Variants in SPATA4 observed in about 807,000 individuals in gnomAD.
The protein encoded by SPATA4 is spermatogenesis-associated protein 4.
Under a neutral mutation model 31.8 loss-of-function variants are expected in SPATA4, and 35 were observed. The ratio of observed to expected loss-of-function variants is 1.10; its 90% CI spans 0.84 to 1.46. SPATA4 has a LOEUF of 1.46. SPATA4 is among the 40% of genes most tolerant of loss of function. The pLI is 0.00. For synonymous variants in SPATA4, 126 were observed against 132.4 expected (o/e 0.95, Z 0.33); for missense variants, 394 against 363.1 (o/e 1.09, Z -0.69).
Position 176,184,888 on chromosome 4 carries a change from A to G in SPATA4, c.810T>C (p.Asn270=). 6.4e-7 allele frequency: 1 copy of G among 1,572,566 alleles called. No homozygotes were observed. Among genetic ancestry groups the G allele is most frequent in the Non-Finnish European group, 8.6e-7 (1 of 1,158,448 alleles). The change falls in exon 6 of 6, where the codon AAT becomes AAC. Residue 270 remains asparagine, a synonymous_variant. Coordinates refer to ENST00000280191, the MANE Select transcript of SPATA4 (RefSeq NM_144644.4). ...TATGTGAACTGCCACCACTACCTAT[A>G]TTTGCTGGGACATTTAAATAAGCAA... ...KRGRVVPVLP[N]IGSGGSSHRE...
intron 5 of SPATA4, 46 bp from the exon 6 acceptor site, chr4:176,184,938 A>G (rs1463201441): frequency 8.6e-7 from 1 of 1,160,962 alleles, no homozygotes; most frequent in Admixed American, 1.9e-5. Flanking sequence ...CATGGTTACT[A>G]AATATTCATA....
intron 4 of SPATA4, among the ~76,000 whole-genome samples, chr4:176,189,838 C>T (rs1367188797): frequency 6.6e-6 from 1 of 152,150 alleles, no homozygotes; most frequent in Non-Finnish European, 1.5e-5. Context: ...GACAAAACCC[C>T]TCAGACACCA....
chr4:176,193,816 T>G (rs113701769), intron 1 of SPATA4: 114 of 328,098 alleles, frequency 3.5e-4, no homozygotes, highest in African/African-American at 2.1e-3. Flanking sequence ...TGAATCCGCA[T>G]TTCAAGAAGA....
chr4:176,192,957 C>T lies in SPATA4; in HGVS notation c.467+1G>A. 6.3e-7 allele frequency: 1 copy of T among 1,594,632 alleles called. No homozygotes were observed. The highest frequency in any genetic ancestry group is 8.5e-7 in the Non-Finnish European group (1 of 1,170,832). On this transcript the variant is annotated splice_donor_variant, in intron 3 of 5. Coordinates refer to ENST00000280191, the MANE Select transcript of SPATA4 (RefSeq NM_144644.4). LOFTEE classifies it high-confidence loss of function. ...TTACTAGGAAATTACAAAGAACTTA[C>T]TCTCGATGTGTTAATAAAGTGTAAA...
chr4:176,187,472 C>T (rs2126921648), intron 5 of SPATA4, among the ~76,000 whole-genome samples: 1 of 152,072 alleles, frequency 6.6e-6, no homozygotes, highest in African/African-American at 2.4e-5. Flanking sequence ...AGGCGTGGCA[C>T]CGTGCGTTGT....
chr4:176,184,776 C>G lies in SPATA4; in HGVS notation c.*4G>C. The G allele has an allele frequency of 6.4e-7, 1 of 1,571,404 alleles. No homozygotes were observed. The highest frequency in any genetic ancestry group is 8.6e-7 in the Non-Finnish European group (1 of 1,156,382). ...CTTCTTCAAAGCCATTTGACAGGTG[C>G]TTTTCAAGGTTTCTTGTCCATGTTT... On this transcript the variant is annotated 3_prime_UTR_variant, in exon 6 of 6. Coordinates refer to ENST00000280191, the MANE Select transcript of SPATA4 (RefSeq NM_144644.4).
At chr4:176,186,845 A>T (rs907782062) in intron 5 of SPATA4, among the ~76,000 whole-genome samples, 9 of 151,272 alleles carry the variant, frequency 5.9e-5, no homozygotes, top group African/African-American at 1.2e-4. Context: ...TTGTTTTTTT[A>T]AAAAAAGGAA....
intron 4 of SPATA4, among the ~76,000 whole-genome samples, chr4:176,191,219 C>T (rs1752522873): frequency 6.6e-6 from 1 of 151,844 alleles, no homozygotes; most frequent in African/African-American, 2.4e-5. Context: ...CTTCAGCCTC[C>T]CCAGTAGCTG....
chr4:176,189,239 G>A (rs367961072), intron 4 of SPATA4, among the ~76,000 whole-genome samples: 1 of 152,178 alleles, frequency 6.6e-6, no homozygotes, highest in Non-Finnish European at 1.5e-5. Flanking sequence ...GTGGCAGCGA[G>A]GGATCAGTGT....
chr4:176,195,572 T>G lies in SPATA4; in HGVS notation c.-10A>C. 1 of 1,613,582 alleles carries G rather than the reference T, an allele frequency of 6.2e-7. No homozygotes were observed. Among genetic ancestry groups the G allele is most frequent in the South Asian group, 1.1e-5 (1 of 91,074 alleles). On this transcript the variant is annotated 5_prime_UTR_variant, in exon 1 of 6. Coordinates refer to ENST00000280191, the MANE Select transcript of SPATA4 (RefSeq NM_144644.4). ...GGCCGGCGGCAGCCATGACGCTTTC[T>G]GGGTTGCTGCGGCAACAGCAGAAGG...
At position 176,193,482 on chromosome 4, in the gene SPATA4, T is replaced by C; in HGVS notation, c.319A>G (p.Lys107Glu). 6.2e-7 allele frequency: 1 copy of C among 1,613,910 alleles called. No individual in the cohort carries two copies. Among genetic ancestry groups the C allele is most frequent in the East Asian group, 2.2e-5 (1 of 44,856 alleles). ...SFENGTSLKV[K>E]LDNWAQLEKF... ...TCCAACTGTGCCCAGTTATCCAACT[T>C]GACTTTTAAAGAGGTCCCGTTTTCA... Residue 107 changes from lysine (K) to glutamate (E), a missense_variant, in exon 2 of 6, where the codon AAG becomes GAG. By Grantham distance (56) the Lys-to-Glu change is moderately conservative (BLOSUM62 1). Coordinates refer to ENST00000280191, the MANE Select transcript of SPATA4 (RefSeq NM_144644.4).
chr4:176,190,071 A>G (rs1424067298), intron 4 of SPATA4, among the ~76,000 whole-genome samples: 4 of 152,168 alleles, frequency 2.6e-5, no homozygotes. Context: ...GGATCTTCAC[A>G]GTGCTTTTCT....
intron 5 of SPATA4, 34 bp from the exon 6 acceptor site, chr4:176,184,926 T>G: frequency 7.7e-7 from 1 of 1,305,694 alleles, no homozygotes. Flanking sequence ...TTAAAATCAA[T>G]TCATGGTTAC....
At chr4:176,193,432 T>C (rs1158624936) in intron 2 of SPATA4, 21 bp downstream of exon 2, 3 of 1,606,390 alleles carry the variant, frequency 1.9e-6, no homozygotes, top group Non-Finnish European at 2.5e-6. Flanking sequence ...CAGTTAAAAG[T>C]GTAAATGACT....
At chr4:176,191,340 T>C (rs1257115539) in intron 4 of SPATA4, among the ~76,000 whole-genome samples, 1 of 152,170 alleles carries the variant, frequency 6.6e-6, no homozygotes, top group Non-Finnish European at 1.5e-5. Flanking sequence ...GTGATCCGCC[T>C]GCCTTGGCCT....
chr4:176,195,314 G>A (rs777942115), intron 1 of SPATA4, 31 bp downstream of exon 1: 2 of 1,599,664 alleles, frequency 1.3e-6, no homozygotes, highest in East Asian at 2.2e-5. Flanking sequence ...GGCGCCCACC[G>A]GGGGGGCCTA....
intron 5 of SPATA4, 108 bp from the exon 6 acceptor site, chr4:176,185,000 G>A: frequency 1.8e-6 from 1 of 557,818 alleles, no homozygotes; most frequent in Non-Finnish European, 3.1e-6. Flanking sequence ...ATTGGCAAGA[G>A]GTCAAGCACA....
intron 4 of SPATA4, among the ~76,000 whole-genome samples, chr4:176,191,666 C>T (rs2126923935): frequency 6.6e-6 from 1 of 152,198 alleles, no homozygotes; most frequent in African/African-American, 2.4e-5. Flanking sequence ...CAAGATAAAA[C>T]TCTTCTCATT....
intron 4 of SPATA4, among the ~76,000 whole-genome samples, chr4:176,190,209 T>A (rs1391770120): frequency 6.6e-6 from 1 of 152,192 alleles, no homozygotes; most frequent in African/African-American, 2.4e-5. Flanking sequence ...AGTTTTTACT[T>A]CTTCTTTCTT....
Sources: gnomAD v4.1 joint callset for allele counts (sites outside exome capture counted in the v4.1 genomes callset) on GRCh38, gnomAD v4.1.1 for gene constraint, MANE v1.5 for transcripts, NCBI Gene and HGNC (gene_info 2026-07-23, HGNC 2026-07-21) for gene names.